SNX29: variants seen among roughly 807,000 people sequenced by gnomAD.
SNX29 encodes sorting nexin-29.
In SNX29, 78 loss-of-function variants were observed where a neutral mutation model predicts 102.1. The ratio of observed to expected loss-of-function variants is 0.76; its 90% CI spans 0.64 to 0.92. The LOEUF is 0.92. Among genes scored for constraint, SNX29 ranks in the 40% least tolerant of loss-of-function variants. SNX29 has a pLI of 0.00. For missense variants in SNX29, 1,280 were observed against 1,061.7 expected (o/e 1.21, Z -2.86); for synonymous variants, 580 against 414.5 (o/e 1.40, Z -4.85).
intron 15 of SNX29, chr16:12,297,056 A>G (rs1418350237): frequency 1.3e-5 from 2 of 152,304 alleles, no homozygotes; most frequent in Non-Finnish European, 2.9e-5. Context: ...TCTGGGATCA[A>G]AATCCCTGCT....
chr16:12,355,270 C>G (rs974960680), intron 15 of SNX29, among the ~76,000 whole-genome samples: 1 of 152,166 alleles, frequency 6.6e-6, no homozygotes, highest in Non-Finnish European at 1.5e-5. Context: ...TCCTCAGATA[C>G]GACACACATT....
At chr16:12,018,376 G>T (rs144058689) in intron 3 of SNX29, among the ~76,000 whole-genome samples, 1,940 of 151,360 alleles carry the variant, frequency 0.013, 29 homozygotes, top group African/African-American at 0.044. Flanking sequence ...AGGAGTTTGA[G>T]ACCACCCTGG....
intron 13 of SNX29, among the ~76,000 whole-genome samples, chr16:12,164,424 C>T (rs894167427): frequency 1.3e-5 from 2 of 152,134 alleles, no homozygotes; most frequent in East Asian, 1.9e-4. Flanking sequence ...AATCCTTGAT[C>T]CTGTAGGTTC....
intron 13 of SNX29, among the ~76,000 whole-genome samples, chr16:12,169,071 T>A (rs1057170090): frequency 2.0e-5 from 3 of 152,234 alleles, no homozygotes; most frequent in Non-Finnish European, 2.9e-5. Context: ...TGAGGTTTCT[T>A]GTGCAGGTGA....
Position 12,564,035 on chromosome 16 carries a change from C to A in SNX29, c.2319-4471C>A, listed in dbSNP as rs529913459. ...CAGGGTAGGGAGTTGAGGAGTTGCA[C>A]CGGTAAAAGGTTGTGGTTTGGCAAC... On this transcript the variant is annotated intron_variant, in intron 20 of 20. Coordinates refer to ENST00000566228, the MANE Select transcript of SNX29 (RefSeq NM_032167.5). Among the ~76,000 whole-genome samples the A allele has an allele frequency of 2.7e-5, 4 of 148,164 alleles. No homozygotes were observed. The East Asian group carries it at 9.1e-4, about 34-fold the overall frequency.
intron 18 of SNX29, among the ~76,000 whole-genome samples, chr16:12,459,152 C>T (rs1363901612): frequency 6.9e-6 from 1 of 144,566 alleles, no homozygotes; most frequent in East Asian, 2.1e-4. Flanking sequence ...TCCCCCTCTC[C>T]ACTTCCCCTC....
chr16:12,153,454 T>C (rs905190173), intron 13 of SNX29, among the ~76,000 whole-genome samples: 2 of 145,262 alleles, frequency 1.4e-5, no homozygotes, highest in Non-Finnish European at 3.0e-5. Context: ...CCTCTGAATC[T>C]TTGTCTCAAA....
chr16:12,524,345 G>A (rs990107942), intron 19 of SNX29, among the ~76,000 whole-genome samples: 2 of 151,446 alleles, frequency 1.3e-5, no homozygotes, highest in Non-Finnish European at 1.5e-5. Flanking sequence ...TGTCTCCCTC[G>A]CTGGCCTGTG....
At chr16:12,438,589 G>T (rs890932250) in intron 18 of SNX29, among the ~76,000 whole-genome samples, 3 of 152,214 alleles carry the variant, frequency 2.0e-5, no homozygotes, top group Non-Finnish European at 4.4e-5. Context: ...TGGGTGCCAG[G>T]TAGAGGCAGT....
In SNX29 at chr16:12,569,090, T is replaced by TA. The variant is rs1453675166; in HGVS notation, c.*462dup. The TA allele has an allele frequency of 5.3e-5, 8 of 151,496 alleles. No homozygotes were observed. The highest frequency in any genetic ancestry group is 2.4e-4 in the African/African-American group (8 of 33,616). 9.4% of individuals were successfully genotyped at this position (151,496 alleles called of 1,614,324 possible). ...CTCTCCTTTTGCTTTTTAAGGTTAT[T>TA]ACCTGGCCTAACCTAGGGATGGCTG... On this transcript the variant is annotated 3_prime_UTR_variant, in exon 21 of 21. Coordinates refer to ENST00000566228, the MANE Select transcript of SNX29 (RefSeq NM_032167.5).
intron 14 of SNX29, among the ~76,000 whole-genome samples, chr16:12,239,544 T>C (rs777756812): frequency 1.3e-5 from 2 of 151,240 alleles, no homozygotes; most frequent in Non-Finnish European, 2.9e-5. Flanking sequence ...AAAATATTTT[T>C]TGGCAGGGCA....
intron 18 of SNX29, among the ~76,000 whole-genome samples, chr16:12,443,878 C>A (rs919196469): frequency 6.6e-6 from 1 of 152,258 alleles, no homozygotes; most frequent in Non-Finnish European, 1.5e-5. Flanking sequence ...GAGTGAGTAC[C>A]TTCTTCACTG....
chr16:12,307,777 T>C (rs973342538), intron 15 of SNX29, among the ~76,000 whole-genome samples: 6 of 152,212 alleles, frequency 3.9e-5, no homozygotes, highest in African/African-American at 1.4e-4. Context: ...TAGGCACCAA[T>C]GTAGCCATCA....
At chr16:12,472,832 A>G (rs1298737734) in intron 18 of SNX29, among the ~76,000 whole-genome samples, 1 of 152,116 alleles carries the variant, frequency 6.6e-6, no homozygotes. Flanking sequence ...TCAGTGGAAA[A>G]GAAATCTTCA....
At chr16:12,038,729 G>A (rs1156299723) in intron 4 of SNX29, 1 of 152,204 alleles carries the variant, frequency 6.6e-6, no homozygotes, top group Non-Finnish European at 1.5e-5. Context: ...ACACTTTAAA[G>A]CGTTCATGTA....
chr16:12,006,685 A>T (rs1389463999), intron 3 of SNX29, among the ~76,000 whole-genome samples: 1 of 151,074 alleles, frequency 6.6e-6, no homozygotes, highest in Non-Finnish European at 1.5e-5. Context: ...CAGTGGTGTG[A>T]TCATGGTTCA....
At chr16:12,469,477 T>G (rs1169485126) in intron 18 of SNX29, among the ~76,000 whole-genome samples, 5 of 152,234 alleles carry the variant, frequency 3.3e-5, no homozygotes, top group South Asian at 4.1e-4. Context: ...GAAGCCATTT[T>G]TTGAAGAATC....
chr16:11,994,755 T>C (rs187631187), intron 1 of SNX29, among the ~76,000 whole-genome samples: 21 of 152,290 alleles, frequency 1.4e-4, no homozygotes, highest in African/African-American at 4.8e-4. Context: ...TTCTGGGCCC[T>C]GGCGGAGGTG....
At chr16:12,031,291 C>T (rs1045736718) in intron 4 of SNX29, among the ~76,000 whole-genome samples, 2 of 151,716 alleles carry the variant, frequency 1.3e-5, no homozygotes, top group Non-Finnish European at 2.9e-5. Flanking sequence ...AGGCTGGTCT[C>T]GAACTCCTGG....
Sources: gnomAD v4.1 joint callset for allele counts (sites outside exome capture counted in the v4.1 genomes callset) on GRCh38, gnomAD v4.1.1 for gene constraint, MANE v1.5 for transcripts, NCBI Gene and HGNC (gene_info 2026-07-23, HGNC 2026-07-21) for gene names.